The following DNAH17 variants were observed in gnomAD, a reference collection of about 807,000 sequenced individuals.
DNAH17 encodes the protein dynein axonemal heavy chain 17.
In DNAH17, 376 loss-of-function variants were observed where a neutral mutation model predicts 485.6. The observed-to-expected ratio is 0.77, with a 90% confidence interval of 0.71 to 0.84. The LOEUF is 0.84. Among genes scored for constraint, DNAH17 ranks in the 40% least tolerant of loss-of-function variants. The pLI is 0.00. For missense variants in DNAH17, 6,370 were observed against 5,839.3 expected (o/e 1.09, Z -2.96); for synonymous variants, 3,031 against 2,405.9 (o/e 1.26, Z -7.60).
intron 71 of DNAH17, 99 bp from the exon 72 acceptor site, chr17:78,441,298 G>A (rs761447968): frequency 5.1e-6 from 7 of 1,384,810 alleles, no homozygotes; most frequent in Non-Finnish European, 6.9e-6. Context: ...GCCATTTTTT[G>A]GTGGACTTTC....
chr17:78,466,764 T>C lies in DNAH17; in HGVS notation c.8831A>G (p.Lys2944Arg), dbSNP rs1043722603. ...VGSVLRVRAR[K>R]FPAVVNCTAI... ...CGTGCAGTTGACCACAGCTGGGAAC[T>C]TTCTGGCTCGTACCCGCAGCACGGA... Residue 2944 changes from lysine to arginine, a missense_variant, in exon 56 of 81, where the codon AAG becomes AGG. Coordinates refer to ENST00000389840, the MANE Select transcript of DNAH17 (RefSeq NM_173628.4). 1.9e-6 allele frequency: 3 copies of C among 1,610,226 alleles called. No individual in the cohort carries two copies. The highest frequency in any genetic ancestry group is 4.5e-5 in the East Asian group (2 of 44,536).
In DNAH17 at chr17:78,461,280, G is replaced by A. The variant is rs528572709; in HGVS notation, c.9339+264C>T. On this transcript the variant is annotated intron_variant, in intron 58 of 80. Transcript: ENST00000389840. Reference sequence around the variant, plus strand: ...CCTGCATTTCTCACAAGCTTCTGGTGAGGCTGCCGCTGTAGGCTGGGGGCT... The same window carrying A: ...CCTGCATTTCTCACAAGCTTCTGGTAAGGCTGCCGCTGTAGGCTGGGGGCT... Among the ~76,000 whole-genome samples the A allele has an allele frequency of 2.8e-4, 42 of 152,328 alleles. No individual in the cohort carries two copies. In the South Asian group the frequency reaches 8.5e-3, roughly 31 times the overall value.
intron 19 of DNAH17, 100 bp downstream of exon 19, chr17:78,537,195 AAAAG>A (rs1908790260): frequency 1.0e-6 from 1 of 972,234 alleles, no homozygotes; most frequent in African/African-American, 2.0e-5. Flanking sequence ...AAAAAAGAAA[AAAAG>A]AAAAGGTAAA....
At chr17:78,516,098 T>C (rs1377470933) in intron 25 of DNAH17, among the ~76,000 whole-genome samples, 1 of 152,140 alleles carries the variant, frequency 6.6e-6, no homozygotes, top group East Asian at 1.9e-4. Flanking sequence ...ACGTAAAAAC[T>C]GGGAGTGTTC....
At chr17:78,500,959 C>T in intron 35 of DNAH17, 1 of 431,648 alleles carries the variant, frequency 2.3e-6, no homozygotes, top group Non-Finnish European at 4.0e-6. Flanking sequence ...AAACATGACC[C>T]CAACTCAGCA....
At chr17:78,528,243 G>A (rs1269576868) in intron 22 of DNAH17, among the ~76,000 whole-genome samples, 1 of 152,080 alleles carries the variant, frequency 6.6e-6, no homozygotes, top group South Asian at 2.1e-4. Context: ...TGGGACGGCT[G>A]AGAACCTGCT....
At position 78,537,334 on chromosome 17, in the gene DNAH17, T is replaced by TGA; in HGVS notation, c.2822_2823dup (p.Ile942SerfsTer10). 1 of 1,595,106 alleles carries TGA rather than the reference T, an allele frequency of 6.3e-7. No homozygotes were observed. Among genetic ancestry groups the TGA allele is most frequent in the Non-Finnish European group, 8.5e-7 (1 of 1,171,160 alleles). ...ATCCTGTCCTTGGCCAGCCGAGGGA[T>TGA]GAGCCTGGCTACGTTGTAGATGTCG... On this transcript the variant is annotated frameshift_variant, in exon 19 of 81. Transcript: ENST00000389840. LOFTEE classifies it high-confidence loss of function.
At chr17:78,501,986 G>A (rs1269288273) in intron 33 of DNAH17, 113 bp from the exon 34 acceptor site, 3 of 1,486,774 alleles carry the variant, frequency 2.0e-6, no homozygotes, top group Non-Finnish European at 1.8e-6. Flanking sequence ...TTTGTTTACA[G>A]TAATGAAAAA....
intron 54 of DNAH17, among the ~76,000 whole-genome samples, chr17:78,473,853 A>T (rs2088887282): frequency 6.6e-6 from 1 of 152,212 alleles, no homozygotes; most frequent in South Asian, 2.1e-4. Context: ...CTCCAGGTTC[A>T]AATGACACTT....
intron 48 of DNAH17, among the ~76,000 whole-genome samples, chr17:78,482,801 C>T (rs2089409568): frequency 6.6e-6 from 1 of 152,166 alleles, no homozygotes; most frequent in Non-Finnish European, 1.5e-5. Flanking sequence ...CTAGAAGGAT[C>T]TTTTGAAAAC....
In DNAH17 at chr17:78,510,407, C is replaced by G. The variant is rs202202365; in HGVS notation, c.4213G>C (p.Val1405Leu). The change falls in exon 27 of 81, where the codon GTG becomes CTG. Residue 1405 changes from valine (V) to leucine (L), a missense_variant. Physicochemically the swap from Val to Leu is conservative, Grantham distance 32 (BLOSUM62 1). Transcript: ENST00000389840. ...ACCTTTTCCATGCCCGACTCCTTCA[C>G]GGCCTTGTCCACGATGTTGCGGACC... ...DEVRNIVDKAVKESGMEKVLK... is the reference protein window; with the variant it reads ...DEVRNIVDKALKESGMEKVLK... 2 of 1,613,268 alleles carry G rather than the reference C, an allele frequency of 1.2e-6. No individual in the cohort carries two copies. Among genetic ancestry groups the G allele is most frequent in the Admixed American group, 1.7e-5 (1 of 60,014 alleles).
In DNAH17 at chr17:78,543,930, C is replaced by T. The variant is rs774533013; in HGVS notation, c.2459G>A (p.Gly820Glu). The change falls in exon 17 of 81, where the codon GGA (glycine) becomes GAA (glutamate). Residue 820 changes from glycine to glutamate, a missense_variant. Transcript: ENST00000389840. ...GCGCTTGTTGAGGTTGGCAATTCTT[C>T]CATCCAAGTCTAACAGGGCCTCTTT... ...NKKEALLDLDGRIANLNKRYA... is the reference protein window; with the variant it reads ...NKKEALLDLDERIANLNKRYA... 2 of 1,614,044 alleles carry T rather than the reference C, an allele frequency of 1.2e-6. No individual in the cohort carries two copies. Among genetic ancestry groups the T allele is most frequent in the East Asian group, 2.2e-5 (1 of 44,890 alleles).
rs1160346604 is a variant in DNAH17 at position 78,459,903 on chromosome 17, G to C, written c.9534C>G (p.Ile3178Met). 4 of 1,613,918 alleles carry C rather than the reference G, an allele frequency of 2.5e-6. No homozygotes were observed. Among genetic ancestry groups the C allele is most frequent in the Non-Finnish European group, 2.5e-6 (3 of 1,179,908 alleles). ...CCGCCTTCCAGCTCTTGTCCTTGGG[G>C]ATCTTGCCCCCAGGTGCGGTCAGAA... The part of the protein sequence containing the change: ...VMILTAPGGK[I>M]PKDKSWKAAK... The change falls in exon 60 of 81, where the codon ATC becomes ATG. Residue 3178 changes from isoleucine (I) to methionine (M), a missense_variant. Coordinates refer to ENST00000389840, the MANE Select transcript of DNAH17 (RefSeq NM_173628.4).
At chr17:78,479,221 G>A (rs1407402654) in intron 50 of DNAH17, 105 bp from the exon 51 acceptor site, 1 of 1,192,372 alleles carries the variant, frequency 8.4e-7, no homozygotes. Context: ...GGTGACAACT[G>A]GAGTAAGAAA....
intron 11 of DNAH17, among the ~76,000 whole-genome samples, chr17:78,564,460 C>G (rs1007308596): frequency 2.6e-5 from 4 of 152,146 alleles, no homozygotes; most frequent in African/African-American, 9.7e-5. Context: ...CAGAAGCCAG[C>G]TGCCCGCCCG....
chr17:78,526,661 G>A lies in DNAH17; in HGVS notation c.3701C>T (p.Ser1234Phe), dbSNP rs1467912016. 1 of 1,606,920 alleles carries A rather than the reference G, an allele frequency of 6.2e-7. No individual in the cohort carries two copies. The highest frequency in any genetic ancestry group is 8.5e-7 in the Non-Finnish European group (1 of 1,174,968). Residue 1234 changes from serine to phenylalanine, a missense_variant, in exon 24 of 81, where the codon TCC (serine) becomes TTC (phenylalanine). Transcript: ENST00000389840. ...FSFSDPNPYK[S>F]LNKQQKSISA... ...CTTGAGCAAAAATACCTTATTCAGG[G>A]ACTTGTAGGGGTTGGGGTCGCTGAA...
At chr17:78,542,817 C>T (rs1021387939) in intron 17 of DNAH17, among the ~76,000 whole-genome samples, 3 of 152,192 alleles carry the variant, frequency 2.0e-5, no homozygotes, top group Non-Finnish European at 4.4e-5. Context: ...ACCCTGTGCA[C>T]GTTCAAATGG....
intron 42 of DNAH17, among the ~76,000 whole-genome samples, chr17:78,492,108 C>T (rs2089885576): frequency 6.6e-6 from 1 of 152,100 alleles, no homozygotes; most frequent in Non-Finnish European, 1.5e-5. Context: ...ACAGGCTAGG[C>T]ACAGCCCTCC....
rs534500391 is a variant in DNAH17, at chr17:78,513,095, G to C, written c.4113+1679C>G. ...AAAATCCTAAGCCCCCGAACAAATT[G>C]AATGAACCCCCCCTCTGCTAGGGGC... On this transcript the variant is annotated intron_variant, in intron 26 of 80. Transcript: ENST00000389840. Among the ~76,000 whole-genome samples the C allele has an allele frequency of 9.9e-5, 15 of 151,972 alleles. No individual in the cohort carries two copies. The South Asian group carries it at 2.9e-3, about 29-fold the overall frequency.
Sources: allele counts gnomAD v4.1 joint callset (sites outside exome capture counted in the v4.1 genomes callset), GRCh38; gene constraint gnomAD v4.1.1; transcripts MANE v1.5; gene names NCBI Gene and HGNC (gene_info 2026-07-23, HGNC 2026-07-21).